The following MYBBP1A variants were observed in gnomAD, a reference collection of about 807,000 sequenced individuals.
MYBBP1A encodes MYB binding protein 1a, also known as myb-binding protein 1A.
In MYBBP1A, 147 loss-of-function variants were observed where a neutral mutation model predicts 136.3. That is an observed-to-expected ratio of 1.08 (90% CI 0.94 to 1.24). MYBBP1A has a LOEUF of 1.24. Ranked by LOEUF, MYBBP1A falls within the 50% of genes most tolerant of loss-of-function variation. The pLI is 0.00. For missense variants in MYBBP1A, 2,060 were observed against 1,727.4 expected (o/e 1.19, Z -3.41); for synonymous variants, 947 against 735.8 (o/e 1.29, Z -4.65).
chr17:4,541,448 G>A lies in MYBBP1A; in HGVS notation c.3297+15C>T, dbSNP rs756461323. 4.0e-5 allele frequency: 64 copies of A among 1,608,794 alleles called. No homozygotes were observed. The South Asian group carries it at 7.0e-4, about 18-fold the overall frequency. On this transcript the variant is annotated intron_variant, in intron 24 of 25. Transcript: ENST00000254718. ...AGGAACCCGAACACGACCGCGGACT[G>A]GGCCCCCGCCTCACCTCATGTTTGC...
In MYBBP1A at chr17:4,550,315, A is replaced by G. The variant is rs577315208; in HGVS notation, c.1062T>C (p.Asp354=). ...KQFKFAPEMD[D]YVGTFLEGCQ... Reference sequence around the variant, plus strand: ...ACCCCTCTAGGAAGGTGCCCACGTAATCGTCCATCTCTGGGGCAAACTTGA... The same window carrying G: ...ACCCCTCTAGGAAGGTGCCCACGTAGTCGTCCATCTCTGGGGCAAACTTGA... The change falls in exon 9 of 26, where the codon GAT becomes GAC. Residue 354 remains aspartate (D), a synonymous_variant. Coordinates refer to ENST00000254718, the MANE Select transcript of MYBBP1A (RefSeq NM_014520.4). 3.1e-6 allele frequency: 5 copies of G among 1,613,062 alleles called. No homozygotes were observed. In the Admixed American group the frequency reaches 5.0e-5, roughly 16 times the overall value.
At chr17:4,544,986 G>GCC in intron 17 of MYBBP1A, 40 bp downstream of exon 17, 2 of 1,464,168 alleles carry the variant, frequency 1.4e-6, no homozygotes, top group Admixed American at 2.2e-5. Flanking sequence ...GGACACCCGA[G>GCC]CCCTCCCCGG....
In MYBBP1A at chr17:4,552,132, G is replaced by A; in HGVS notation, c.898C>T (p.Pro300Ser). The change falls in exon 7 of 26, where the codon CCA (proline) becomes TCA (serine). Residue 300 changes from proline to serine, a missense_variant. Transcript: ENST00000254718. The surrounding 1 kb of genome is among the most constrained non-coding windows in gnomAD (Gnocchi z 4.7). ...EQGLLKMQFW[P>S]ASYLCFRLLG... Reference sequence around the variant, plus strand: ...GACACGCGTCGCCCGCACCTGGCTGGCCAGAACTGCATCTTCAGCAGCCCT... The same window carrying A: ...GACACGCGTCGCCCGCACCTGGCTGACCAGAACTGCATCTTCAGCAGCCCT... The A allele has an allele frequency of 1.9e-6, 3 of 1,613,926 alleles. No individual in the cohort carries two copies. Among genetic ancestry groups the A allele is most frequent in the Non-Finnish European group, 8.5e-7 (1 of 1,179,884 alleles).
chr17:4,540,419 C>T lies in MYBBP1A; in HGVS notation c.3363G>A (p.Gln1121=), dbSNP rs1426836652. The change falls in exon 25 of 26, where the codon CAG becomes CAA. Residue 1121 remains glutamine (Q), a synonymous_variant. Coordinates refer to ENST00000254718, the MANE Select transcript of MYBBP1A (RefSeq NM_014520.4). ...GGCTGGAGCCGGTGGAGTGTGCCCC[C>T]TGCTGTAGGCTCTGCTGTTGCCCCT... is the stretch of plus-strand genomic sequence containing the variant. ...VLQGQQQSLQ[Q]GAHSTGSSRL... is the part of the protein sequence containing the mutation. 6.2e-7 allele frequency: 1 copy of T among 1,611,028 alleles called. No individual in the cohort carries two copies.
Position 4,548,613 on chromosome 17 carries a change from C to T in MYBBP1A, c.1467G>A (p.Lys489=), listed in dbSNP as rs201321394. Residue 489 remains lysine, a synonymous_variant, in exon 11 of 26, where the codon AAG becomes AAA. Transcript: ENST00000254718. The surrounding 1 kb of genome is among the most constrained non-coding windows in gnomAD (Gnocchi z 4.2). ...TTGTCTCAGGGATCTGGGATGTGGG[C>T]TTCTTTGTGACAAAGAACGAGTGGA... ...CLFHSFFVTK[K]PTSQIPETKH... is the part of the protein sequence containing the mutation. 28 of 1,614,172 alleles carry T rather than the reference C, an allele frequency of 1.7e-5. No homozygotes were observed. In the East Asian group the frequency reaches 5.8e-4, roughly 33 times the overall value.
Position 4,554,298 on chromosome 17 carries a change from A to G in MYBBP1A, c.295-20T>C. 1 of 1,610,924 alleles carries G rather than the reference A, an allele frequency of 6.2e-7. No homozygotes were observed. Reference sequence around the variant, plus strand: ...TAACAGCTGCCAGGAGTTGTGTGGCAGGAGGAAGAGGGTTCAGGAGAGTGG... The same window carrying G: ...TAACAGCTGCCAGGAGTTGTGTGGCGGGAGGAAGAGGGTTCAGGAGAGTGG... On this transcript the variant is annotated intron_variant, in intron 2 of 25. Coordinates refer to ENST00000254718, the MANE Select transcript of MYBBP1A (RefSeq NM_014520.4).
Position 4,552,379 on chromosome 17 carries a change from C to G in MYBBP1A, c.737+72G>C. On this transcript the variant is annotated intron_variant, in intron 6 of 25. Coordinates refer to ENST00000254718, the MANE Select transcript of MYBBP1A (RefSeq NM_014520.4). The surrounding 1 kb of genome is among the most constrained non-coding windows in gnomAD (Gnocchi z 4.7). ...GCAGCCGGGACACCCCCAGGCCAAA[C>G]GACAAATCTGGGCCTGGCCAGATGC... 7 of 1,602,478 alleles carry G rather than the reference C, an allele frequency of 4.4e-6. No homozygotes were observed. Among genetic ancestry groups the G allele is most frequent in the Non-Finnish European group, 5.1e-6 (6 of 1,174,744 alleles).
chr17:4,548,709 C>T lies in MYBBP1A; in HGVS notation c.1431-60G>A, dbSNP rs914158779. 1 of 1,606,660 alleles carries T rather than the reference C, an allele frequency of 6.2e-7. No homozygotes were observed. The highest frequency in any genetic ancestry group is 8.5e-7 in the Non-Finnish European group (1 of 1,176,156). ...CTGCCATTGGTTTTTACAGGCTCCCCTCCTTGGATGGTACCACCGAGGGTA... is the reference window on the plus strand; with the variant it reads ...CTGCCATTGGTTTTTACAGGCTCCCTTCCTTGGATGGTACCACCGAGGGTA... On this transcript the variant is annotated intron_variant, in intron 10 of 25. Transcript: ENST00000254718. This position sits in a 1 kb window ranked among gnomAD's most constrained non-coding sequence, Gnocchi z 4.2.
chr17:4,539,309 G>A lies in MYBBP1A; in HGVS notation c.*106C>T, dbSNP rs1307335351. ...AACAGCCACCCTCCCCAGTGGCAGC[G>A]CCTTAGAAACAGCTTGCGTATTAAA... On this transcript the variant is annotated 3_prime_UTR_variant, in exon 26 of 26. Transcript: ENST00000254718. 5.9e-5 allele frequency: 88 copies of A among 1,495,564 alleles called. No individual in the cohort carries two copies. The highest frequency in any genetic ancestry group is 9.2e-5 in the East Asian group (4 of 43,682). 92.6% of individuals were successfully genotyped at this position (1,495,564 alleles called of 1,614,324 possible).
chr17:4,547,463 C>G (rs551004839), intron 13 of MYBBP1A, among the ~76,000 whole-genome samples: 2 of 152,282 alleles, frequency 1.3e-5, no homozygotes, highest in South Asian at 4.1e-4. Flanking sequence ...AGTGGCCAGA[C>G]GGGAGCAAGC....
At position 4,554,988 on chromosome 17, in the gene MYBBP1A, G is replaced by A. The variant is rs371239343; in HGVS notation, c.199-32C>T. The A allele has an allele frequency of 1.9e-4, 314 of 1,611,422 alleles. 1 individual carries two copies. Among genetic ancestry groups the A allele is most frequent in the Non-Finnish European group, 2.1e-4 (252 of 1,178,640 alleles). On this transcript the variant is annotated intron_variant, in intron 1 of 25. Coordinates refer to ENST00000254718, the MANE Select transcript of MYBBP1A (RefSeq NM_014520.4). ...AACCAAGCACACCCTCGTGTTCAAT[G>A]GTGACAACAAGGTGCACGCCCCCGC...
In MYBBP1A at chr17:4,539,833, G is replaced by T; in HGVS notation, c.3569C>A (p.Thr1190Lys). The change falls in exon 26 of 26, where the codon ACG becomes AAG. Residue 1190 changes from threonine (T) to lysine (K), a missense_variant. Coordinates refer to ENST00000254718, the MANE Select transcript of MYBBP1A (RefSeq NM_014520.4). ...KRKKRKSEDG[T>K]PAEDGTPAAT... ...TGCAGGTGTGCCATCCTCCGCTGGC[G>T]TGCCATCCTCTGACTTGCGTTTCTT... 1 of 1,610,278 alleles carries T rather than the reference G, an allele frequency of 6.2e-7. No homozygotes were observed.
chr17:4,550,183 CA>C lies in MYBBP1A; in HGVS notation c.1193del (p.Leu398ArgfsTer51). 1.2e-6 allele frequency: 2 copies of C among 1,613,916 alleles called. No individual in the cohort carries two copies. Among genetic ancestry groups the C allele is most frequent in the Non-Finnish European group, 1.7e-6 (2 of 1,180,044 alleles). Reference sequence around the variant, plus strand: ...CATAGCCCTGCAGGGCCGGAGGGCTCAGGAACCGCACGACCCGCCAGAAAGT... The same window carrying C: ...CATAGCCCTGCAGGGCCGGAGGGCTCGGAACCGCACGACCCGCCAGAAAGT... ...TPTFWRVVRF[L>X]SPPALQGYVA... is the part of the protein sequence containing the mutation. On this transcript the variant is annotated frameshift_variant, in exon 9 of 26. Coordinates refer to ENST00000254718, the MANE Select transcript of MYBBP1A (RefSeq NM_014520.4). LOFTEE classifies it high-confidence loss of function.
intron 25 of MYBBP1A, among the ~76,000 whole-genome samples, 184 bp downstream of exon 25, chr17:4,540,159 TCCTGC>T (rs1445585751): frequency 9.7e-5 from 7 of 72,348 alleles, no homozygotes; most frequent in African/African-American, 4.8e-4. Context: ...CCTGCGAGGC[TCCTGC>T]GAGGGTCCTG....
At chr17:4,541,379 C>G (rs1235416155) in intron 24 of MYBBP1A, 84 bp downstream of exon 24, 3 of 1,228,886 alleles carry the variant, frequency 2.4e-6, no homozygotes, top group Non-Finnish European at 3.6e-6. Context: ...TGCAGTCCAG[C>G]CCGGGCATGG....
At chr17:4,541,966 C>T (rs879835856) in intron 22 of MYBBP1A, 75 bp from the exon 23 acceptor site, 26 of 1,183,754 alleles carry the variant, frequency 2.2e-5, no homozygotes, top group Non-Finnish European at 2.6e-5. Flanking sequence ...CATGAGGGCT[C>T]GGGGGCCCGC....
At chr17:4,540,942 C>T (rs1307595768) in intron 24 of MYBBP1A, among the ~76,000 whole-genome samples, 2 of 152,262 alleles carry the variant, frequency 1.3e-5, no homozygotes, top group East Asian at 3.9e-4. Flanking sequence ...TCCCGGGCCC[C>T]GCCTCTGCCT....
Position 4,544,752 on chromosome 17 carries a change from C to A in MYBBP1A, c.2480G>T (p.Arg827Leu). The A allele has an allele frequency of 6.4e-7, 1 of 1,554,096 alleles. No individual in the cohort carries two copies. The highest frequency in any genetic ancestry group is 2.4e-5 in the East Asian group (1 of 42,502). The part of the protein sequence containing the change: ...EKALRRDFQI[R>L]VLDLVEVLVT... ...GGTGCGGCCCGCCCCCAGGCTCACC[C>A]GGATCTGGAAGTCGCGCCGCAGAGC... is the stretch of plus-strand genomic sequence containing the variant. Residue 827 changes from arginine (R) to leucine (L), a missense_variant and splice_region_variant, in exon 18 of 26, where the codon CGG becomes CTG. Physicochemically the swap from Arg to Leu is moderately radical, Grantham distance 102. Coordinates refer to ENST00000254718, the MANE Select transcript of MYBBP1A (RefSeq NM_014520.4).
Position 4,547,963 on chromosome 17 carries a change from G to A in MYBBP1A, c.1819C>T (p.Leu607Phe). ...HLLLLVGIHL[L>F]KSPAESCDLL... ...TCCCTCCCAGGCCCCAGTACCTTGAGGAGGTGGATGCCCACGAGGAGCAGA... is the reference window on the plus strand; with the variant it reads ...TCCCTCCCAGGCCCCAGTACCTTGAAGAGGTGGATGCCCACGAGGAGCAGA... Residue 607 changes from leucine (L) to phenylalanine (F), a missense_variant, in exon 13 of 26, where the codon CTC becomes TTC. Coordinates refer to ENST00000254718, the MANE Select transcript of MYBBP1A (RefSeq NM_014520.4). 6.6e-7 allele frequency: 1 copy of A among 1,508,358 alleles called. No individual in the cohort carries two copies. Among genetic ancestry groups the A allele is most frequent in the Non-Finnish European group, 8.9e-7 (1 of 1,125,418 alleles). 93.4% of individuals were successfully genotyped at this position (1,508,358 alleles called of 1,614,324 possible).
Sources: allele counts gnomAD v4.1 joint callset (sites outside exome capture counted in the v4.1 genomes callset), GRCh38; gene constraint gnomAD v4.1.1; non-coding constraint Gnocchi (gnomAD v3.1); transcripts MANE v1.5; gene names NCBI Gene and HGNC (gene_info 2026-07-23, HGNC 2026-07-21).